The following MED17 variants were observed in gnomAD, a reference collection of about 807,000 sequenced individuals.
The protein encoded by MED17 is mediator of RNA polymerase II transcription subunit 17.
Under a neutral mutation model 80.8 loss-of-function variants are expected in MED17, and 49 were observed. The ratio of observed to expected loss-of-function variants is 0.61; its 90% confidence interval spans 0.48 to 0.77. The LOEUF (loss-of-function observed/expected upper bound fraction) is 0.77, where lower values mean the gene tolerates loss of function less well. Ranked by LOEUF, MED17 falls within the 30% of genes least tolerant of loss-of-function variation. The pLI is 0.00. For missense variants in MED17, 718 were observed against 787.0 expected (o/e 0.91, Z 1.05); for synonymous variants, 281 against 280.4 (o/e 1.00, Z -0.02).
rs754994730 is a variant in MED17, at chr11:93,790,717, T to A, written c.561T>A (p.Leu187=). The change falls in exon 3 of 12, where the codon CTT becomes CTA. Residue 187 remains leucine (L), a synonymous_variant. Coordinates refer to ENST00000251871, the MANE Select transcript of MED17 (RefSeq NM_004268.5). ...NKLQRDFNSE[L]LRLRQHWKLR... ...TACAAAGAGACTTCAATTCTGAGCT[T>A]TTGCGATTACGGCAACACTGGAAAC... 75 of 1,614,222 alleles carry A rather than the reference T, an allele frequency of 4.6e-5. 5 individuals carry two copies. The South Asian group carries it at 8.0e-4, about 17-fold the overall frequency.
chr11:93,814,607 C>T lies in MED17; in HGVS notation c.*2543C>T, dbSNP rs549385796. 12 of 152,204 alleles carry T rather than the reference C, an allele frequency of 7.9e-5. No homozygotes were observed. The South Asian group carries it at 1.2e-3, about 16-fold the overall frequency. 9.4% of individuals were successfully genotyped at this position (152,204 alleles called of 1,614,324 possible). A position where few individuals can be genotyped will look rare whatever the true frequency, so the allele number is the denominator to read the frequency against. Reference sequence around the variant, plus strand: ...AGTGGTGATTGAGAAGTTTCAGTAACGTTGGTAATAAATGTTAAATTCTAA... The same window carrying T: ...AGTGGTGATTGAGAAGTTTCAGTAATGTTGGTAATAAATGTTAAATTCTAA... On this transcript the variant is annotated 3_prime_UTR_variant, in exon 12 of 12. Transcript: ENST00000251871.
chr11:93,796,802 G>A (rs1226191566), intron 7 of MED17: 3 of 438,094 alleles, frequency 6.8e-6, no homozygotes, highest in Non-Finnish European at 1.3e-5. Flanking sequence ...AAGTGCAGAG[G>A]GAAGGGTGAT....
chr11:93,807,599 T>C lies in MED17; in HGVS notation c.1548T>C (p.Tyr516=), dbSNP rs16919389. 7.7e-3 allele frequency: 12,428 copies of C among 1,612,752 alleles called. 809 individuals are homozygous for C. In the African/African-American group the frequency reaches 0.15, roughly 19 times the overall value. ...HRDGRVITLS[Y]QEQELQDFLL... ...ATGGAAGAGTAATTACACTGTCTTA[T>C]CAGGAGCAGGAGCTACAGGATTTTC... Residue 516 remains tyrosine (Y), a synonymous_variant, in exon 10 of 12, where the codon TAT becomes TAC. Coordinates refer to ENST00000251871, the MANE Select transcript of MED17 (RefSeq NM_004268.5).
At chr11:93,810,852 T>TG (rs1285203967) in intron 11 of MED17, 1 of 152,216 alleles carries the variant, frequency 6.6e-6, no homozygotes, top group African/African-American at 2.4e-5. Context: ...AGTCATGTGT[T>TG]GCATAATGAC....
In MED17 at chr11:93,811,871, G is replaced by C. The variant is rs527602360; in HGVS notation, c.1763G>C (p.Ser588Thr). 43 of 1,614,128 alleles carry C rather than the reference G, an allele frequency of 2.7e-5. No individual in the cohort carries two copies. In the Admixed American group the frequency reaches 4.8e-4, roughly 18 times the overall value. Residue 588 changes from serine to threonine, a missense_variant, in exon 12 of 12, where the codon AGT (serine) becomes ACT (threonine). Ser to Thr is a moderately conservative substitution (Grantham distance 58). Transcript: ENST00000251871. ...YAISVRNGPE[S>T]GSKIMVQFPR... ...TCCACAGTTCGTAATGGACCTGAAA[G>C]TGGCAGCAAGATTATGGTTCAGTTT...
Position 93,797,669 on chromosome 11 carries a change from G to T in MED17, c.1278G>T (p.Gly426=). 6.2e-7 allele frequency: 1 copy of T among 1,613,794 alleles called. No homozygotes were observed. Among genetic ancestry groups the T allele is most frequent in the African/African-American group, 1.3e-5 (1 of 75,020 alleles). Residue 426 remains glycine, a synonymous_variant, in exon 8 of 12, where the codon GGG becomes GGT. Transcript: ENST00000251871. ...TTAATTCATTACAGTCCAGTGAAGG[G>T]CTTCTGGAAAAAATAATTAAACAAG... The part of the protein sequence containing the change: ...NEINSLQSSE[G]LLEKIIKQAK...
At chr11:93,796,671 A>T in intron 7 of MED17, 131 bp downstream of exon 7, 1 of 1,085,230 alleles carries the variant, frequency 9.2e-7, no homozygotes, top group Non-Finnish European at 1.4e-6. Flanking sequence ...GATGTGAAAG[A>T]TCCTTGCTGT....
rs1264921433 is a variant in MED17, at chr11:93,799,637, G to A, written c.1328+1918G>A. 3.9e-5 allele frequency among the ~76,000 whole-genome samples: 6 copies of A among 152,280 alleles called. No homozygotes were observed. In the East Asian group the frequency reaches 9.6e-4, roughly 24 times the overall value. On this transcript the variant is annotated intron_variant, in intron 8 of 11. Coordinates refer to ENST00000251871, the MANE Select transcript of MED17 (RefSeq NM_004268.5). ...AAAAAATAAAAAAAATTAGCCAGATGTGGTGGTGTGCACCTGTAGTCCCAG... is the reference window on the plus strand; with the variant it reads ...AAAAAATAAAAAAAATTAGCCAGATATGGTGGTGTGCACCTGTAGTCCCAG...
intron 7 of MED17, chr11:93,797,084 G>T: frequency 5.1e-6 from 1 of 197,898 alleles, no homozygotes; most frequent in Non-Finnish European, 1.0e-5. Flanking sequence ...AGGCAGCCGG[G>T]TTTGGGAACC....
At chr11:93,787,867 G>A in intron 1 of MED17, 134 bp from the exon 2 acceptor site, 1 of 783,244 alleles carries the variant, frequency 1.3e-6, no homozygotes. Flanking sequence ...TAGAGGAGAT[G>A]GCATAAATAA....
chr11:93,786,493 GT>G (rs1420266716), intron 1 of MED17, among the ~76,000 whole-genome samples: 1 of 151,226 alleles, frequency 6.6e-6, no homozygotes. Flanking sequence ...TTGAGATGGA[GT>G]CTTGCTCTGT....
At chr11:93,787,006 T>G (rs866001475) in intron 1 of MED17, among the ~76,000 whole-genome samples, 6 of 151,954 alleles carry the variant, frequency 3.9e-5, no homozygotes, top group African/African-American at 7.3e-5. Context: ...AGTAGACTCA[T>G]AAGTACTAAC....
At chr11:93,793,900 G>A (rs751567521) in intron 4 of MED17, 36 bp downstream of exon 4, 7 of 1,612,634 alleles carry the variant, frequency 4.3e-6, no homozygotes, top group African/African-American at 1.3e-5. Flanking sequence ...AATTTCTTAC[G>A]AATAGCCTGA....
At chr11:93,797,291 G>A (rs1355725100) in intron 7 of MED17, 9 of 481,228 alleles carry the variant, frequency 1.9e-5, no homozygotes, top group Non-Finnish European at 3.4e-5. Context: ...TTATTAGGAT[G>A]TCGGCGCATT....
intron 1 of MED17, among the ~76,000 whole-genome samples, chr11:93,785,332 T>C (rs561765886): frequency 6.6e-6 from 1 of 152,326 alleles, no homozygotes; most frequent in African/African-American, 2.4e-5. Flanking sequence ...TTACTCTAGA[T>C]GCTTTCTAAT....
Position 93,797,704 on chromosome 11 carries a change from T to G in MED17, c.1313T>G (p.Ile438Ser). 1 of 1,613,112 alleles carries G rather than the reference T, an allele frequency of 6.2e-7. No homozygotes were observed. Among genetic ancestry groups the G allele is most frequent in the Non-Finnish European group, 8.5e-7 (1 of 1,179,164 alleles). Reference protein sequence around the residue: ...LEKIIKQAKHIFLRSRAAATI... With the variant: ...LEKIIKQAKHSFLRSRAAATI... ...AAAATAATTAAACAAGCAAAGCATA[T>G]TTTTCTAAGGAGTAGGTAAGGTTGA... is the stretch of plus-strand genomic sequence containing the variant. The change falls in exon 8 of 12, where the codon ATT (isoleucine) becomes AGT (serine). Residue 438 changes from isoleucine (I) to serine (S), a missense_variant. Transcript: ENST00000251871.
rs769259458 is a variant in MED17 at position 93,812,595 on chromosome 11, C to T, written c.*531C>T. The T allele has an allele frequency of 3.1e-5, 5 of 160,436 alleles. No homozygotes were observed. Among genetic ancestry groups the T allele is most frequent in the South Asian group, 2.0e-4 (1 of 5,122 alleles). The allele number at this position is 160,436 out of a possible 1,614,324, so 9.9% of individuals were successfully genotyped here. ...CTGGGACCACAGGCATGCACAACCA[C>T]GCCTGGCTAATTTTTGTATTTTTTA... is the stretch of plus-strand genomic sequence containing the variant. On this transcript the variant is annotated 3_prime_UTR_variant, in exon 12 of 12. Transcript: ENST00000251871.
intron 3 of MED17, among the ~76,000 whole-genome samples, chr11:93,792,141 G>A (rs751992639): frequency 4.6e-5 from 7 of 152,278 alleles, no homozygotes; most frequent in Non-Finnish European, 8.8e-5. Flanking sequence ...AATATCAGGG[G>A]AGGAGGCAAG....
At chr11:93,801,415 G>T in intron 8 of MED17, 1 of 171,306 alleles carries the variant, frequency 5.8e-6, no homozygotes, top group Non-Finnish European at 1.3e-5. Flanking sequence ...TACAGTAATG[G>T]GTCTAGATGT....
Sources: allele counts gnomAD v4.1 joint callset (sites outside exome capture counted in the v4.1 genomes callset), GRCh38; gene constraint gnomAD v4.1.1; transcripts MANE v1.5; gene names NCBI Gene and HGNC (gene_info 2026-07-23, HGNC 2026-07-21).